Variants in STK32B observed in about 807,000 individuals in gnomAD.
STK32B encodes serine/threonine-protein kinase 32B.
STK32B carries 43 observed loss-of-function variants against 52.6 expected under a neutral mutation model. The observed-to-expected ratio is 0.82, with a 90% CI of 0.64 to 1.05. The LOEUF (loss-of-function observed/expected upper bound fraction) is 1.05. Ranked by LOEUF, STK32B falls within the 50% of genes least tolerant of loss-of-function variation. STK32B has a pLI of 0.00. For synonymous variants in STK32B, 238 were observed against 204.3 expected (o/e 1.17, Z -1.41); for missense variants, 621 against 534.6 (o/e 1.16, Z -1.59).
intron 3 of STK32B, among the ~76,000 whole-genome samples, chr4:5,199,324 G>A (rs2108773656): frequency 6.6e-6 from 1 of 152,308 alleles, no homozygotes; most frequent in Admixed American, 6.5e-5. Context: ...GGTACTGCAG[G>A]ACCACAGGGA....
chr4:5,286,447 G>C (rs80050607), intron 3 of STK32B, among the ~76,000 whole-genome samples: 3,270 of 152,240 alleles, frequency 0.021, 124 homozygotes, highest in African/African-American at 0.074. Flanking sequence ...TCAAAGTCCT[G>C]TTGCCCCCTT....
the STK32B span, chr4:5,019,422 G>C: frequency 2.7e-6 from 4 of 1,478,538 alleles, no homozygotes; most frequent in Admixed American, 3.0e-5. Context: ...GCAGCAGCAC[G>C]GGCAGAGGCC....
rs549639302 is a variant in STK32B, at chr4:5,491,291, C to T, written c.1107-7654C>T. ...CTAACTAACTGGTGTGAGATGGTAT[C>T]TCATTGTGGTTTTGATTTGCATTTC... On this transcript the variant is annotated intron_variant, in intron 11 of 11. Transcript: ENST00000282908. 9.8e-5 allele frequency among the ~76,000 whole-genome samples: 15 copies of T among 152,318 alleles called. No homozygotes were observed. In the Middle Eastern group the frequency reaches 0.014, roughly 138 times the overall value.
chr4:5,316,853 T>C (rs372321056), intron 3 of STK32B, among the ~76,000 whole-genome samples: 53 of 322 alleles, frequency 0.16, 3 homozygotes, highest in East Asian at 0.62. Flanking sequence ...TATAATATAT[T>C]ATATATATTA....
intron 4 of STK32B, among the ~76,000 whole-genome samples, chr4:5,363,584 G>T (rs188213637): frequency 7.2e-4 from 110 of 152,264 alleles, no homozygotes; most frequent in Middle Eastern, 3.4e-3. Flanking sequence ...CTTGTCAAAG[G>T]CTGAGGCTTT....
chr4:5,260,153 T>C (rs577093279), intron 3 of STK32B, among the ~76,000 whole-genome samples: 10 of 152,072 alleles, frequency 6.6e-5, no homozygotes, highest in Non-Finnish European at 1.3e-4. Flanking sequence ...CTTCACGAGA[T>C]TTTCTGCAAG....
upstream of STK32B, among the ~76,000 whole-genome samples, chr4:5,048,600 T>C (rs970240806): frequency 6.6e-6 from 1 of 152,188 alleles, no homozygotes; most frequent in African/African-American, 2.4e-5. Flanking sequence ...CCTGGCCTAA[T>C]TTTTGTATTT....
chr4:5,256,322 T>A (rs574595263), intron 3 of STK32B, among the ~76,000 whole-genome samples: 10 of 152,318 alleles, frequency 6.6e-5, no homozygotes, highest in African/African-American at 2.2e-4. Context: ...TATCATAGAC[T>A]AAAAACTATC....
At chr4:5,299,103 C>A (rs1184979878) in intron 3 of STK32B, among the ~76,000 whole-genome samples, 4 of 151,906 alleles carry the variant, frequency 2.6e-5, no homozygotes, top group Non-Finnish European at 5.9e-5. Flanking sequence ...CACCCTGCTT[C>A]TGCTTGCCCT....
At chr4:5,077,854 G>T (rs185950936) in intron 1 of STK32B, among the ~76,000 whole-genome samples, 90 of 152,206 alleles carry the variant, frequency 5.9e-4, no homozygotes, top group Admixed American at 1.8e-3. Context: ...CCTGTAGGAT[G>T]CTTTTGTCTT....
At chr4:5,081,197 A>G (rs759203294) in intron 1 of STK32B, among the ~76,000 whole-genome samples, 1 of 152,186 alleles carries the variant, frequency 6.6e-6, no homozygotes, top group African/African-American at 2.4e-5. Context: ...ATATATATAC[A>G]TACCAAATTT....
chr4:5,176,235 C>T (rs1295010969), intron 3 of STK32B, among the ~76,000 whole-genome samples: 1 of 152,150 alleles, frequency 6.6e-6, no homozygotes, highest in Non-Finnish European at 1.5e-5. Flanking sequence ...AATTCTCTGA[C>T]CCGTTGCACT....
Position 5,353,544 on chromosome 4 carries a change from T to TA in STK32B, c.434+22163dup, listed in dbSNP as rs138450850. 7.6e-3 allele frequency among the ~76,000 whole-genome samples: 1,087 copies of TA among 142,152 alleles called. 5 individuals carry two copies. Among genetic ancestry groups the TA allele is most frequent in the Non-Finnish European group, 0.013 (809 of 63,308 alleles). The allele number at this position is 142,152 out of a possible 152,430, so 93.3% of individuals were successfully genotyped here. A position where few individuals can be genotyped will look rare whatever the true frequency, so the allele number is the denominator to read the frequency against. ...CCAGAGTATACAAGGAACTCAACAG[T>TA]AAAAAAAAAAAATAAAAATAAAAAG... On this transcript the variant is annotated intron_variant, in intron 4 of 11. Transcript: ENST00000282908.
At chr4:5,176,964 T>A (rs1719952002) in intron 3 of STK32B, among the ~76,000 whole-genome samples, 1 of 152,202 alleles carries the variant, frequency 6.6e-6, no homozygotes, top group African/African-American at 2.4e-5. Context: ...CTCAACTTCC[T>A]CACTTGTCAT....
intron 11 of STK32B, among the ~76,000 whole-genome samples, chr4:5,482,643 G>C (rs949078466): frequency 6.6e-6 from 1 of 152,196 alleles, no homozygotes; most frequent in Non-Finnish European, 1.5e-5. Context: ...AGTAGTGAGA[G>C]AGGGCATCCC....
chr4:5,369,484 C>A (rs76056396), intron 4 of STK32B, among the ~76,000 whole-genome samples: 4,103 of 152,172 alleles, frequency 0.027, 259 homozygotes, highest in Admixed American at 0.15. Context: ...AGAAACCATG[C>A]AGCCAGGGGA....
intron 3 of STK32B, among the ~76,000 whole-genome samples, chr4:5,192,850 A>G (rs1249915516): frequency 1.3e-5 from 2 of 152,180 alleles, no homozygotes; most frequent in East Asian, 3.9e-4. Flanking sequence ...AACAGTTTAT[A>G]GTGCCCTTTG....
chr4:5,458,086 G>A (rs1716720614), intron 8 of STK32B, among the ~76,000 whole-genome samples: 1 of 152,180 alleles, frequency 6.6e-6, no homozygotes, highest in Admixed American at 6.5e-5. Context: ...TGTCATGTGG[G>A]AGCCTGTTAG....
chr4:5,023,413 GT>G, the STK32B span, among the ~76,000 whole-genome samples: 1 of 152,170 alleles, frequency 6.6e-6, no homozygotes, highest in Admixed American at 6.6e-5. Flanking sequence ...CTTGTCCAGA[GT>G]CTGCTTGCAT....
Sources: allele counts gnomAD v4.1 joint callset (sites outside exome capture counted in the v4.1 genomes callset), GRCh38; gene constraint gnomAD v4.1.1; transcripts MANE v1.5; gene names NCBI Gene and HGNC (gene_info 2026-07-23, HGNC 2026-07-21).